The following BCAN variants were observed in gnomAD, a reference collection of about 807,000 sequenced individuals.
BCAN encodes brevican core protein.
A neutral mutation model predicts 92.4 loss-of-function variants in BCAN; 51 were observed. The ratio of observed to expected loss-of-function variants is 0.55; its 90% CI spans 0.44 to 0.70. The LOEUF (loss-of-function observed/expected upper bound fraction) is 0.70. Ranked by LOEUF, BCAN falls within the 30% of genes least tolerant of loss-of-function variation. BCAN has a pLI of 0.00. For missense variants in BCAN, 1,140 were observed against 1,212.1 expected (o/e 0.94, Z 0.88); for synonymous variants, 501 against 505.2 (o/e 0.99, Z 0.11).
Position 156,658,748 on chromosome 1 carries a change from G to A in BCAN, c.2628+15G>A, listed in dbSNP as rs1393881707. On this transcript the variant is annotated intron_variant, in intron 13 of 13. Coordinates refer to ENST00000329117, the MANE Select transcript of BCAN (RefSeq NM_021948.5). This position sits in a 1 kb window ranked among gnomAD's most constrained non-coding sequence, Gnocchi z 4.4. ...CCAGAAGACCTGTGAGTGCCAGGAA[G>A]AGGCAGGTGGGAGTGGGAGACAGTA... 1.9e-6 allele frequency: 3 copies of A among 1,613,570 alleles called. No individual in the cohort carries two copies. The highest frequency in any genetic ancestry group is 2.5e-6 in the Non-Finnish European group (3 of 1,179,886).
At position 156,647,761 on chromosome 1, in the gene BCAN, T is replaced by G; in HGVS notation, c.641+79T>G. On this transcript the variant is annotated intron_variant, in intron 4 of 13. Transcript: ENST00000329117. The surrounding 1 kb of genome is among the most constrained non-coding windows in gnomAD (Gnocchi z 4.8). The stretch of plus-strand genomic sequence containing the variant: ...CCCCCTTCTGCTGGGTGCTGCCTGC[T>G]GTGTCAGGCTGGACATGCAGGGCTT... 1 of 1,552,276 alleles carries G rather than the reference T, an allele frequency of 6.4e-7. No individual in the cohort carries two copies. The highest frequency in any genetic ancestry group is 1.2e-5 in the South Asian group (1 of 85,248).
intron 8 of BCAN, among the ~76,000 whole-genome samples, chr1:156,654,886 G>A (rs909134713): frequency 6.6e-6 from 1 of 152,216 alleles, no homozygotes; most frequent in Non-Finnish European, 1.5e-5. Flanking sequence ...GACAGAAGGA[G>A]TGCTGCTGGA....
Position 156,650,162 on chromosome 1 carries a change from A to G in BCAN, c.1064-1294A>G, listed in dbSNP as rs1009434935. On this transcript the variant is annotated intron_variant, in intron 6 of 13. Transcript: ENST00000329117. ...AGTAGTAGTAGTAGTAATAATAATAATAGTAATAGCTAAAACTTCTGTGTG... is the reference window on the plus strand; with the variant it reads ...AGTAGTAGTAGTAGTAATAATAATAGTAGTAATAGCTAAAACTTCTGTGTG... Among the ~76,000 whole-genome samples, 5 of 152,102 alleles carry G rather than the reference A, an allele frequency of 3.3e-5. 1 individual carries two copies. Among genetic ancestry groups the G allele is most frequent in the African/African-American group, 9.7e-5 (4 of 41,384 alleles).
Position 156,657,600 on chromosome 1 carries a change from C to T in BCAN, c.2210-75C>T, listed in dbSNP as rs538980901. ...GGGGAAGGGTTTCCAAGGCAGTCACCGCAGACCGCCCGGGAGCGGGGAACG... is the reference window on the plus strand; with the variant it reads ...GGGGAAGGGTTTCCAAGGCAGTCACTGCAGACCGCCCGGGAGCGGGGAACG... On this transcript the variant is annotated intron_variant, in intron 10 of 13. Coordinates refer to ENST00000329117, the MANE Select transcript of BCAN (RefSeq NM_021948.5). 5,197 of 1,319,670 alleles carry T rather than the reference C, an allele frequency of 3.9e-3. 19 individuals carry two copies. Among genetic ancestry groups the T allele is most frequent in the Middle Eastern group, 6.1e-3 (33 of 5,398 alleles). The allele number at this position is 1,319,670 out of a possible 1,614,324, so 81.7% of individuals were successfully genotyped here. A position where few individuals can be genotyped will look rare whatever the true frequency, so the allele number is the denominator to read the frequency against.
In BCAN at chr1:156,658,470, C is replaced by A. The variant is rs911962404; in HGVS notation, c.2438-73C>A. ...TTTTGTCATGTTGTGGCCCATTTTT[C>A]TCTTCCCCATGGAGATTCTGGGAAC... On this transcript the variant is annotated intron_variant, in intron 12 of 13. Coordinates refer to ENST00000329117, the MANE Select transcript of BCAN (RefSeq NM_021948.5). This position sits in a 1 kb window ranked among gnomAD's most constrained non-coding sequence, Gnocchi z 4.4. The A allele has an allele frequency of 3.2e-6, 5 of 1,540,740 alleles. No individual in the cohort carries two copies. The Middle Eastern group carries it at 8.5e-4, about 263-fold the overall frequency.
rs754590703 is a variant in BCAN, at chr1:156,646,966, G to A, written c.257G>A (p.Arg86Gln). 1.2e-6 allele frequency: 2 copies of A among 1,612,810 alleles called. No homozygotes were observed. The highest frequency in any genetic ancestry group is 2.2e-5 in the East Asian group (1 of 44,864). Residue 86 changes from arginine to glutamine, a missense_variant, in exon 3 of 14, where the codon CGG becomes CAG. Around this residue, in one of 3 missense-constraint regions of BCAN, gnomAD observed 286 missense variants for 284.1 expected, o/e 1.01. Transcript: ENST00000329117. ...AAGTGGACTTTCCTGTCCCGGGGCC[G>A]GGAGGCAGAGGTGCTGGTGGCGCGG... ...RVKWTFLSRG[R>Q]EAEVLVARGV...
chr1:156,649,710 A>G (rs999552694), intron 6 of BCAN, among the ~76,000 whole-genome samples: 1 of 152,268 alleles, frequency 6.6e-6, no homozygotes, highest in African/African-American at 2.4e-5. Context: ...AAACCTGCCC[A>G]TATCTTATGT....
At chr1:156,656,140 A>C in intron 8 of BCAN, 142 bp from the exon 9 acceptor site, 1 of 449,478 alleles carries the variant, frequency 2.2e-6, no homozygotes, top group Non-Finnish European at 3.9e-6. Flanking sequence ...GACAGGCTCT[A>C]GGGAGAACTT....
In BCAN at chr1:156,659,355, C is replaced by T; in HGVS notation, c.*221C>T. 1.9e-6 allele frequency: 1 copy of T among 539,842 alleles called. No individual in the cohort carries two copies. Among genetic ancestry groups the T allele is most frequent in the Non-Finnish European group, 3.2e-6 (1 of 308,948 alleles). The allele number at this position is 539,842 out of a possible 1,614,324, so 33.4% of individuals were successfully genotyped here. A position where few individuals can be genotyped will look rare whatever the true frequency, so the allele number is the denominator to read the frequency against. ...CTGGGCACCAGATCTTCCATCAGGG[C>T]CGGAGTAAATCCCTAAGTGCCTCAA... On this transcript the variant is annotated 3_prime_UTR_variant, in exon 14 of 14. Transcript: ENST00000329117.
intron 6 of BCAN, 92 bp downstream of exon 6, chr1:156,648,953 A>T (rs901686780): frequency 7.2e-7 from 1 of 1,395,512 alleles, no homozygotes; most frequent in African/African-American, 1.4e-5. Context: ...AGTTTAGCTC[A>T]GGGCTTTGCC....
chr1:156,648,138 G>A (rs368540677), intron 5 of BCAN, 28 bp downstream of exon 5: 24 of 1,604,046 alleles, frequency 1.5e-5, no homozygotes, highest in Admixed American at 3.3e-5. Flanking sequence ...GTTCCCAGGG[G>A]ACAATTTCCT....
At chr1:156,653,033 C>T in intron 8 of BCAN, 141 bp downstream of exon 8, 1 of 1,514,008 alleles carries the variant, frequency 6.6e-7, no homozygotes, top group South Asian at 1.3e-5. Context: ...TCTTACCCAC[C>T]TCTACCTATG....
rs761137329 is a variant in BCAN, at chr1:156,648,622, C to T, written c.824C>T (p.Ala275Val). ...AAGCTGACATTGGAGGAAGCACGGG[C>T]GTACTGCCAGGAGCGGGGTGCAGAG... ...PEKLTLEEAR[A>V]YCQERGAEIA... The change falls in exon 6 of 14, where the codon GCG becomes GTG. Residue 275 changes from alanine (A) to valine (V), a missense_variant. By Grantham distance (64) the Ala-to-Val change is moderately conservative. Transcript: ENST00000329117. 3.9e-5 allele frequency: 62 copies of T among 1,608,790 alleles called. No individual in the cohort carries two copies. The highest frequency in any genetic ancestry group is 1.9e-4 in the South Asian group (17 of 90,928).
In BCAN at chr1:156,652,480, A is replaced by G; in HGVS notation, c.1530A>G (p.Pro510=). The G allele has an allele frequency of 6.2e-7, 1 of 1,606,506 alleles. No individual in the cohort carries two copies. The highest frequency in any genetic ancestry group is 2.2e-5 in the East Asian group (1 of 44,512). The change falls in exon 8 of 14, where the codon CCA becomes CCG. Residue 510 remains proline (P), a synonymous_variant. Coordinates refer to ENST00000329117, the MANE Select transcript of BCAN (RefSeq NM_021948.5). ...AAQEESLSQA[P]ARAVLQPGAS... is the part of the protein sequence containing the mutation. ...AGGAGGAGTCACTCTCCCAGGCGCC[A>G]GCAAGGGCAGTCCTGCAGCCTGGTG...
chr1:156,657,339 C>A lies in BCAN; in HGVS notation c.2209+243C>A, dbSNP rs114038503. On this transcript the variant is annotated intron_variant, in intron 10 of 13. Coordinates refer to ENST00000329117, the MANE Select transcript of BCAN (RefSeq NM_021948.5). ...TAGAGTGCGCCTGTGTGGGCCGGGC[C>A]GCCGTGCAGGGGGCCGCCTCCAATC... The A allele has an allele frequency of 3.3e-3, 2,068 of 622,310 alleles. 35 individuals are homozygous for A. The African/African-American group carries it at 0.035, about 10-fold the overall frequency. The allele number at this position is 622,310 out of a possible 1,614,324, so 38.5% of individuals were successfully genotyped here.
At chr1:156,649,117 C>T (rs921915689) in intron 6 of BCAN, among the ~76,000 whole-genome samples, 12 of 152,184 alleles carry the variant, frequency 7.9e-5, no homozygotes, top group Non-Finnish European at 1.5e-5. Context: ...TAGTCCATGC[C>T]TTGTTTGCTC....
chr1:156,654,412 T>C (rs561406117), intron 8 of BCAN, among the ~76,000 whole-genome samples: 64 of 152,224 alleles, frequency 4.2e-4, no homozygotes, highest in South Asian at 8.3e-4. Flanking sequence ...AGGAGCACAA[T>C]TGGAGGTATC....
At position 156,658,464 on chromosome 1, in the gene BCAN, ATTTTTCTCTT is replaced by A. The variant is rs1679414976; in HGVS notation, c.2438-78_2438-69del. 7.2e-5 allele frequency: 111 copies of A among 1,534,670 alleles called. No individual in the cohort carries two copies. The South Asian group carries it at 1.3e-3, about 18-fold the overall frequency. ...ATCTTTTTTTGTCATGTTGTGGCCC[ATTTTTCTCTT>A]CCCCATGGAGATTCTGGGAACTGTC... On this transcript the variant is annotated intron_variant, in intron 12 of 13. Coordinates refer to ENST00000329117, the MANE Select transcript of BCAN (RefSeq NM_021948.5). This position sits in a 1 kb window ranked among gnomAD's most constrained non-coding sequence, Gnocchi z 4.4.
intron 10 of BCAN, 32 bp downstream of exon 10, chr1:156,657,128 T>C (rs7524611): frequency 1 from 1,600,314 of 1,600,324 alleles, 800,152 homozygotes; most frequent in Middle Eastern, 1. Context: ...GAGGGGCCCC[T>C]GCCATATGCT....
Sources: allele counts gnomAD v4.1 joint callset (sites outside exome capture counted in the v4.1 genomes callset), GRCh38; gene constraint gnomAD v4.1.1; regional missense constraint gnomAD v4.1.1; non-coding constraint Gnocchi (gnomAD v3.1); transcripts MANE v1.5; gene names NCBI Gene and HGNC (gene_info 2026-07-23, HGNC 2026-07-21).